Variants in LINGO2 observed in about 807,000 individuals in gnomAD.
LINGO2 encodes the protein leucine rich repeat and Ig domain containing 2, also known as leucine-rich repeat and immunoglobulin-like domain-containing nogo receptor-interacting protein 2.
Under a neutral mutation model 30.6 loss-of-function variants are expected in LINGO2, and 14 were observed. The ratio of observed to expected loss-of-function variants is 0.46; its 90% CI spans 0.30 to 0.72. The LOEUF (loss-of-function observed/expected upper bound fraction) is 0.72, where lower values mean the gene tolerates loss of function less well. Among genes scored for constraint, LINGO2 ranks in the 30% least tolerant of loss-of-function variants. LINGO2 has a pLI of 0.07. For missense variants in LINGO2, 729 were observed against 751.7 expected (o/e 0.97, Z 0.35); for synonymous variants, 317 against 288.5 (o/e 1.10, Z -1.00).
chr9:28,089,866 A>G (rs955737003), intron 4 of LINGO2, among the ~76,000 whole-genome samples: 13 of 152,228 alleles, frequency 8.5e-5, no homozygotes, highest in Non-Finnish European at 1.2e-4. Flanking sequence ...ATGCAATAAA[A>G]AATGATAAAG....
the LINGO2 span, among the ~76,000 whole-genome samples, chr9:28,922,249 T>C: frequency 1.3e-5 from 2 of 152,210 alleles, no homozygotes; most frequent in Non-Finnish European, 2.9e-5. Flanking sequence ...TATTTTGTCG[T>C]GTTCAAACTA....
chr9:29,201,802 A>G, the LINGO2 span, among the ~76,000 whole-genome samples: 3 of 152,052 alleles, frequency 2.0e-5, no homozygotes, highest in African/African-American at 7.2e-5. Flanking sequence ...TTATCCTATC[A>G]TCGTAAACTT....
chr9:28,885,467 AT>A, the LINGO2 span, among the ~76,000 whole-genome samples: 1 of 67,248 alleles, frequency 1.5e-5, no homozygotes, highest in Admixed American at 1.7e-4. Flanking sequence ...ATACATATAT[AT>A]ATACATACAT....
rs1820235204 is a variant in LINGO2 at position 28,508,357 on chromosome 9, C to G, written c.-364-32332G>C. On this transcript the variant is annotated intron_variant, in intron 1 of 5. Coordinates refer to ENST00000379992, the Ensembl canonical transcript of LINGO2. ...GGCTCAATAGTTGAGTAATCTTTTA[C>G]TCAGATGACTTATAACAGTATGTTA... 2.0e-5 allele frequency among the ~76,000 whole-genome samples: 3 copies of G among 152,002 alleles called. No individual in the cohort carries two copies. In the South Asian group the frequency reaches 6.2e-4, roughly 31 times the overall value.
chr9:29,025,006 A>G, the LINGO2 span, among the ~76,000 whole-genome samples: 1 of 152,124 alleles, frequency 6.6e-6, no homozygotes, highest in Non-Finnish European at 1.5e-5. Flanking sequence ...AAAAAACAGA[A>G]CAGTCCCTGT....
chr9:29,131,360 G>C, the LINGO2 span, among the ~76,000 whole-genome samples: 2 of 151,990 alleles, frequency 1.3e-5, no homozygotes, highest in African/African-American at 4.8e-5. Flanking sequence ...TGGATTCTGG[G>C]TATTTATTAA....
chr9:28,551,740 T>C (rs1462583832), intron 1 of LINGO2, among the ~76,000 whole-genome samples: 1 of 152,062 alleles, frequency 6.6e-6, no homozygotes, highest in Non-Finnish European at 1.5e-5. Flanking sequence ...GAAGGGATGA[T>C]TTAGACACTG....
intron 3 of LINGO2, among the ~76,000 whole-genome samples, chr9:28,351,428 C>A (rs1323553261): frequency 6.6e-6 from 1 of 151,652 alleles, no homozygotes; most frequent in Non-Finnish European, 1.5e-5. Context: ...TCGACACATA[C>A]GCTCTCCCAA....
At chr9:28,434,878 G>A (rs1346545514) in intron 2 of LINGO2, among the ~76,000 whole-genome samples, 1 of 151,984 alleles carries the variant, frequency 6.6e-6, no homozygotes, top group African/African-American at 2.4e-5. Flanking sequence ...GAAGAAGGAG[G>A]AAAAATGAAA....
the LINGO2 span, among the ~76,000 whole-genome samples, chr9:28,836,032 G>A: frequency 6.6e-6 from 1 of 152,188 alleles, no homozygotes; most frequent in African/African-American, 2.4e-5. Context: ...ATAATTGAGT[G>A]AGCAAATGAA....
intron 1 of LINGO2, among the ~76,000 whole-genome samples, chr9:28,634,656 T>C (rs572858739): frequency 6.6e-6 from 1 of 152,084 alleles, no homozygotes; most frequent in Admixed American, 6.6e-5. Context: ...TGGCTAACTT[T>C]TGTATTTTTG....
chr9:28,286,848 C>A (rs1823527468), intron 4 of LINGO2, among the ~76,000 whole-genome samples: 1 of 152,050 alleles, frequency 6.6e-6, no homozygotes, highest in Non-Finnish European at 1.5e-5. Flanking sequence ...TCAGGAAAAA[C>A]AACTAATTGG....
At chr9:28,498,487 G>A (rs547857672) in intron 1 of LINGO2, among the ~76,000 whole-genome samples, 13 of 152,262 alleles carry the variant, frequency 8.5e-5, no homozygotes, top group South Asian at 8.3e-4. Flanking sequence ...CTGGTGTGCC[G>A]TTTGCTAAGA....
At chr9:28,281,167 G>T (rs868409527) in intron 4 of LINGO2, among the ~76,000 whole-genome samples, 101 of 152,238 alleles carry the variant, frequency 6.6e-4, no homozygotes, top group African/African-American at 2.4e-3. Flanking sequence ...AGGGTGAAAT[G>T]TGTAGACCCC....
intron 4 of LINGO2, among the ~76,000 whole-genome samples, chr9:28,242,688 T>C (rs4878950): frequency 0.48 from 72,398 of 151,764 alleles, 17,428 homozygotes; most frequent in African/African-American, 0.53. Flanking sequence ...TCTCCAAGGT[T>C]GAAATGAGGA....
chr9:28,940,730 A>G, the LINGO2 span, among the ~76,000 whole-genome samples: 1 of 152,180 alleles, frequency 6.6e-6, no homozygotes, highest in Non-Finnish European at 1.5e-5. Flanking sequence ...TCCCATAACT[A>G]TGAAGGATTG....
chr9:28,815,989 G>C, the LINGO2 span, among the ~76,000 whole-genome samples: 12 of 152,202 alleles, frequency 7.9e-5, no homozygotes, highest in Non-Finnish European at 1.8e-4. Context: ...TAAGATCAAG[G>C]AGCCCCATCC....
At chr9:29,105,521 A>C in the LINGO2 span, among the ~76,000 whole-genome samples, 1 of 152,156 alleles carries the variant, frequency 6.6e-6, no homozygotes. Flanking sequence ...TAAGACTCTA[A>C]AGATAGACCG....
intron 4 of LINGO2, among the ~76,000 whole-genome samples, chr9:28,107,113 A>G (rs1014270188): frequency 6.6e-6 from 1 of 151,944 alleles, no homozygotes; most frequent in African/African-American, 2.4e-5. Context: ...TGTCTTCCCA[A>G]TGCTGCCTTC....
Sources: allele counts gnomAD v4.1 joint callset (sites outside exome capture counted in the v4.1 genomes callset), GRCh38; gene constraint gnomAD v4.1.1; transcripts MANE v1.5; gene names NCBI Gene and HGNC (gene_info 2026-07-23, HGNC 2026-07-21).